The following ITFG1 variants were observed in gnomAD, a reference collection of about 807,000 sequenced individuals.
ITFG1 encodes the protein integrin alpha FG-GAP repeat containing 1.
ITFG1 carries 34 observed loss-of-function variants against 81.8 expected under a neutral mutation model. The observed-to-expected ratio is 0.42, with a 90% CI of 0.32 to 0.55. The LOEUF is 0.55. ITFG1 is among the 20% of genes least tolerant of loss of function. The probability of loss-of-function intolerance (pLI) is 0.17; values close to 1 mark genes in which losing one functional copy is unlikely to be tolerated. For missense variants in ITFG1, 672 were observed against 755.4 expected, an observed-to-expected ratio of 0.89 and a Z score of 1.29; for synonymous variants, 285 against 270.6, an observed-to-expected ratio of 1.05 and a Z score of -0.52.
chr16:47,185,438 G>C (rs1169540717), intron 14 of ITFG1, among the ~76,000 whole-genome samples: 4 of 152,144 alleles, frequency 2.6e-5, no homozygotes, highest in Admixed American at 6.5e-5. Flanking sequence ...AATCAAACTA[G>C]AACTCAGGAT....
At chr16:47,341,171 T>A (rs1228889305) in intron 8 of ITFG1, among the ~76,000 whole-genome samples, 1 of 151,626 alleles carries the variant, frequency 6.6e-6, no homozygotes, top group African/African-American at 2.4e-5. Flanking sequence ...TCCCAGTACT[T>A]TGAGAGGCTG....
At chr16:47,280,616 C>T (rs1038024559) in intron 10 of ITFG1, among the ~76,000 whole-genome samples, 1 of 152,102 alleles carries the variant, frequency 6.6e-6, no homozygotes, top group African/African-American at 2.4e-5. Context: ...TTCCAATTAT[C>T]TGAGTTTATG....
rs527787100 is a variant in ITFG1, at chr16:47,218,327, A to C, written c.1453+541T>G. On this transcript the variant is annotated intron_variant, in intron 14 of 17. Transcript: ENST00000320640. Reference sequence around the variant, plus strand: ...ACCTCAGTCAGTCAGCCATCTGTTAAAAGCAGACATCCTTTGCTCAATCTT... The same window carrying C: ...ACCTCAGTCAGTCAGCCATCTGTTACAAGCAGACATCCTTTGCTCAATCTT... 2.0e-5 allele frequency: 3 copies of C among 152,318 alleles called. No individual in the cohort carries two copies. The South Asian group carries it at 6.2e-4, about 32-fold the overall frequency. 9.4% of individuals were successfully genotyped at this position (152,318 alleles called of 1,614,324 possible). A position where few individuals can be genotyped will look rare whatever the true frequency, so the allele number is the denominator to read the frequency against.
intron 5 of ITFG1, among the ~76,000 whole-genome samples, chr16:47,447,134 T>C (rs1053057937): frequency 7.2e-5 from 11 of 152,154 alleles, no homozygotes; most frequent in African/African-American, 1.7e-4. Flanking sequence ...TCCCAAAGTG[T>C]TGGGATTACT....
At chr16:47,416,163 C>G (rs905576944) in intron 6 of ITFG1, among the ~76,000 whole-genome samples, 19 of 151,900 alleles carry the variant, frequency 1.3e-4, no homozygotes, top group Non-Finnish European at 1.2e-4. Context: ...TATGCAGAAA[C>G]TCTTCATGAG....
At chr16:47,302,141 A>C (rs1476625338) in intron 10 of ITFG1, among the ~76,000 whole-genome samples, 2 of 152,226 alleles carry the variant, frequency 1.3e-5, no homozygotes, top group Non-Finnish European at 2.9e-5. Flanking sequence ...CTGCTACTAA[A>C]ACAGAGAGGG....
intron 14 of ITFG1, among the ~76,000 whole-genome samples, chr16:47,185,251 T>C (rs951044075): frequency 5.3e-5 from 8 of 152,292 alleles, no homozygotes; most frequent in African/African-American, 1.9e-4. Flanking sequence ...TACCCAGGAA[T>C]TGAACTCAGC....
chr16:47,229,900 A>T (rs1202273078), intron 13 of ITFG1, among the ~76,000 whole-genome samples: 1 of 152,258 alleles, frequency 6.6e-6, no homozygotes, highest in African/African-American at 2.4e-5. Flanking sequence ...TACTCATTGT[A>T]CAATACCATA....
At chr16:47,376,052 C>A in intron 6 of ITFG1, 112 bp from the exon 7 acceptor site, 2 of 569,296 alleles carry the variant, frequency 3.5e-6, no homozygotes, top group Non-Finnish European at 3.1e-6. Flanking sequence ...TCTACTTAAA[C>A]ATATTTTAAA....
chr16:47,340,645 A>T (rs532686748), intron 8 of ITFG1, among the ~76,000 whole-genome samples: 1 of 152,326 alleles, frequency 6.6e-6, no homozygotes, highest in South Asian at 2.1e-4. Flanking sequence ...GAAAACAAAC[A>T]GGAAAATGGC....
At chr16:47,402,844 A>G (rs1968679184) in intron 6 of ITFG1, among the ~76,000 whole-genome samples, 1 of 152,230 alleles carries the variant, frequency 6.6e-6, no homozygotes, top group East Asian at 1.9e-4. Context: ...GTGCTGAAAT[A>G]TAATTCTTTT....
chr16:47,311,180 G>C, intron 10 of ITFG1, 60 bp downstream of exon 10: 1 of 1,260,724 alleles, frequency 7.9e-7, no homozygotes, highest in Non-Finnish European at 1.1e-6. Flanking sequence ...AAAGTACCAT[G>C]GTTTGCAAAT....
chr16:47,209,075 A>G (rs976062965), intron 14 of ITFG1, among the ~76,000 whole-genome samples: 4 of 152,214 alleles, frequency 2.6e-5, no homozygotes, highest in Non-Finnish European at 5.9e-5. Context: ...GCCATGAGAA[A>G]AGTATTAAAA....
intron 14 of ITFG1, among the ~76,000 whole-genome samples, chr16:47,181,986 G>T (rs1044746622): frequency 3.9e-5 from 6 of 152,054 alleles, no homozygotes; most frequent in African/African-American, 1.4e-4. Context: ...GAAGGCAGCA[G>T]GCTCCTTAAG....
At chr16:47,370,338 C>T (rs929565398) in intron 7 of ITFG1, among the ~76,000 whole-genome samples, 6 of 152,136 alleles carry the variant, frequency 3.9e-5, no homozygotes, top group African/African-American at 7.2e-5. Context: ...TTTCCGAGGC[C>T]GCCATGGACC....
rs1966106891 is a variant in ITFG1, at chr16:47,253,752, G to A, written c.1330+4880C>T. Among the ~76,000 whole-genome samples the A allele has an allele frequency of 2.0e-5, 3 of 152,120 alleles. No homozygotes were observed. The South Asian group carries it at 6.2e-4, about 32-fold the overall frequency. ...TCTAATGCTACTGCTGCTCTGACAGGAGACAGAGCTCAGGCGGTAATGCCA... is the reference window on the plus strand; with the variant it reads ...TCTAATGCTACTGCTGCTCTGACAGAAGACAGAGCTCAGGCGGTAATGCCA... On this transcript the variant is annotated intron_variant, in intron 12 of 17. Transcript: ENST00000320640.
intron 8 of ITFG1, among the ~76,000 whole-genome samples, 167 bp from the exon 9 acceptor site, chr16:47,313,990 G>A (rs891354328): frequency 1.6e-4 from 25 of 152,006 alleles, no homozygotes; most frequent in Admixed American, 7.9e-4. Context: ...AATTACTCTG[G>A]CCCTTGCAAC....
At chr16:47,223,796 CAA>C (rs1965723889) in intron 13 of ITFG1, among the ~76,000 whole-genome samples, 1 of 152,082 alleles carries the variant, frequency 6.6e-6, no homozygotes, top group African/African-American at 2.4e-5. Context: ...TTTGTAATAG[CAA>C]AGACTTGGAA....
intron 6 of ITFG1, among the ~76,000 whole-genome samples, chr16:47,411,163 G>A (rs187957844): frequency 9.2e-5 from 14 of 152,304 alleles, no homozygotes; most frequent in African/African-American, 2.9e-4. Flanking sequence ...GCTGGCACTT[G>A]AATGGAGGAG....
Sources: gnomAD v4.1 joint callset for allele counts (sites outside exome capture counted in the v4.1 genomes callset) on GRCh38, gnomAD v4.1.1 for gene constraint, MANE v1.5 for transcripts, NCBI Gene and HGNC (gene_info 2026-07-23, HGNC 2026-07-21) for gene names.